MAGI2: variants seen among roughly 807,000 people sequenced by gnomAD.
The protein encoded by MAGI2 is membrane associated guanylate kinase, WW and PDZ domain containing 2.
A neutral mutation model predicts 133.3 loss-of-function variants in MAGI2; 35 were observed. The ratio of observed to expected loss-of-function variants is 0.26; its 90% CI spans 0.20 to 0.35. The LOEUF is 0.35. MAGI2 is among the 10% of genes least tolerant of loss of function. The probability of loss-of-function intolerance (pLI) is 1.00; values close to 1 mark genes in which losing one functional copy is unlikely to be tolerated. For missense variants in MAGI2, 1,636 were observed against 1,863.4 expected (o/e 0.88, Z 2.25); for synonymous variants, 729 against 710.6 (o/e 1.03, Z -0.41).
intron 1 of MAGI2, among the ~76,000 whole-genome samples, chr7:79,067,976 GC>G (rs1182343359): frequency 6.6e-6 from 1 of 152,096 alleles, no homozygotes; most frequent in Non-Finnish European, 1.5e-5. Flanking sequence ...TGGTGGATAA[GC>G]TTTTTGATGT....
chr7:78,797,631 G>A (rs1787724992), intron 2 of MAGI2, among the ~76,000 whole-genome samples: 1 of 152,128 alleles, frequency 6.6e-6, no homozygotes, highest in Admixed American at 6.5e-5. Flanking sequence ...ATGTAAATCA[G>A]TGAGTATTTA....
At chr7:79,228,227 C>T (rs1831026695) in intron 1 of MAGI2, among the ~76,000 whole-genome samples, 1 of 150,944 alleles carries the variant, frequency 6.6e-6, no homozygotes, top group Non-Finnish European at 1.5e-5. Context: ...ACCTGTAGTA[C>T]TAGCTACTCA....
At chr7:78,827,891 A>G (rs1372310250) in intron 2 of MAGI2, among the ~76,000 whole-genome samples, 1 of 151,900 alleles carries the variant, frequency 6.6e-6, no homozygotes, top group African/African-American at 2.4e-5. Flanking sequence ...CTCTTATTTT[A>G]TTTTATTTTT....
At chr7:78,020,160 G>A (rs1306914139) in intron 21 of MAGI2, among the ~76,000 whole-genome samples, 184 bp from the exon 22 acceptor site, 2 of 151,610 alleles carry the variant, frequency 1.3e-5, no homozygotes, top group African/African-American at 4.9e-5. Flanking sequence ...GGGGATTTGG[G>A]GGTTCCCTCC....
chr7:78,568,115 G>T (rs757529262), intron 3 of MAGI2: 2 of 151,982 alleles, frequency 1.3e-5, no homozygotes, highest in Non-Finnish European at 2.9e-5. Context: ...AATCCTTTTT[G>T]GTTTCTTTTT....
At chr7:78,453,132 C>T (rs1054782074) in intron 6 of MAGI2, among the ~76,000 whole-genome samples, 5 of 152,108 alleles carry the variant, frequency 3.3e-5, no homozygotes, top group South Asian at 2.1e-4. Flanking sequence ...CACAGCTCTC[C>T]TGACTTTGCC....
chr7:78,573,111 GGA>G (rs1258611423), intron 3 of MAGI2, among the ~76,000 whole-genome samples: 3 of 64,880 alleles, frequency 4.6e-5, no homozygotes, highest in Non-Finnish European at 6.4e-5. Context: ...ATATACATAT[GGA>G]GAGAGATATA....
intron 3 of MAGI2, among the ~76,000 whole-genome samples, chr7:78,575,161 TA>T (rs576584128): frequency 0.012 from 1,878 of 151,120 alleles, 33 homozygotes; most frequent in African/African-American, 0.04. Flanking sequence ...ACAAACACTT[TA>T]AAAAAAAATC....
chr7:78,240,441 T>C (rs951851288), intron 10 of MAGI2, among the ~76,000 whole-genome samples: 2 of 152,172 alleles, frequency 1.3e-5, no homozygotes, highest in Non-Finnish European at 2.9e-5. Context: ...ATCTATATAA[T>C]GGAATGGTAT....
At chr7:79,106,697 A>G (rs1818482794) in intron 1 of MAGI2, among the ~76,000 whole-genome samples, 1 of 152,188 alleles carries the variant, frequency 6.6e-6, no homozygotes, top group African/African-American at 2.4e-5. Context: ...AGCTATGTCA[A>G]GTATATTTTC....
intron 21 of MAGI2, 47 bp downstream of exon 21, chr7:78,078,900 G>T (rs1263147469): frequency 6.2e-7 from 1 of 1,611,378 alleles, no homozygotes; most frequent in East Asian, 2.2e-5. Context: ...AGCATTTATG[G>T]TTCACAGAAG....
At chr7:78,503,584 T>TCCTCCCCCTCCC (rs1338815542) in intron 4 of MAGI2, among the ~76,000 whole-genome samples, 2 of 36,218 alleles carry the variant, frequency 5.5e-5, no homozygotes, top group Admixed American at 3.7e-4. Flanking sequence ...CTCCCCCTCC[T>TCCTCCCCCTCCC]CCTCCTCCCC....
chr7:79,254,858 T>G (rs1833573211), intron 1 of MAGI2, among the ~76,000 whole-genome samples: 1 of 152,176 alleles, frequency 6.6e-6, no homozygotes, highest in Non-Finnish European at 1.5e-5. Context: ...TTCAGCTCCT[T>G]CACTTTGGAG....
intron 2 of MAGI2, among the ~76,000 whole-genome samples, chr7:78,761,342 T>C (rs1170461829): frequency 6.6e-6 from 1 of 152,244 alleles, no homozygotes; most frequent in African/African-American, 2.4e-5. Flanking sequence ...CTCTGAGTTA[T>C]TAGCCAGGCT....
At chr7:79,221,450 G>A (rs1205472520) in intron 1 of MAGI2, among the ~76,000 whole-genome samples, 2 of 151,912 alleles carry the variant, frequency 1.3e-5, no homozygotes, top group Non-Finnish European at 2.9e-5. Context: ...GGTAGGTAAT[G>A]CACAGCTGTA....
chr7:79,049,666 C>A (rs1481771715), intron 1 of MAGI2, among the ~76,000 whole-genome samples: 1 of 151,648 alleles, frequency 6.6e-6, no homozygotes, highest in East Asian at 1.9e-4. Flanking sequence ...TTTCTAAAAT[C>A]GGCCTTGTTA....
At chr7:78,904,838 T>C (rs1405414865) in intron 2 of MAGI2, among the ~76,000 whole-genome samples, 1 of 152,140 alleles carries the variant, frequency 6.6e-6, no homozygotes, top group Admixed American at 6.5e-5. Flanking sequence ...ATGTTCACTG[T>C]TTACAAAAGT....
intron 1 of MAGI2, among the ~76,000 whole-genome samples, chr7:79,225,227 C>T (rs1830749243): frequency 6.6e-6 from 1 of 152,160 alleles, no homozygotes; most frequent in Non-Finnish European, 1.5e-5. Context: ...CCGTGCCTGA[C>T]ACTGCACCAC....
intron 2 of MAGI2, among the ~76,000 whole-genome samples, chr7:78,778,322 C>T (rs1349022115): frequency 6.6e-6 from 1 of 152,214 alleles, no homozygotes; most frequent in Non-Finnish European, 1.5e-5. Flanking sequence ...TTAATCCACT[C>T]AGTGTCACTT....
Sources: gnomAD v4.1 joint callset for allele counts (sites outside exome capture counted in the v4.1 genomes callset) on GRCh38, gnomAD v4.1.1 for gene constraint, MANE v1.5 for transcripts, NCBI Gene and HGNC (gene_info 2026-07-23, HGNC 2026-07-21) for gene names.